The following PTPRN2 variants were observed in gnomAD, a reference collection of about 807,000 sequenced individuals.
PTPRN2 encodes the protein receptor-type tyrosine-protein phosphatase N2.
A neutral mutation model predicts 118.8 loss-of-function variants in PTPRN2; 74 were observed. The observed-to-expected ratio is 0.62, with a 90% confidence interval of 0.52 to 0.76. The LOEUF (loss-of-function observed/expected upper bound fraction) is 0.76. PTPRN2 is among the 30% of genes least tolerant of loss of function. The pLI, the probability that PTPRN2 is intolerant of heterozygous loss-of-function variation, is 0.00. For missense variants in PTPRN2, 1,481 were observed against 1,394.4 expected, an observed-to-expected ratio of 1.06 and a Z score of -0.99; for synonymous variants, 641 against 608.0, an observed-to-expected ratio of 1.05 and a Z score of -0.80.
intron 2 of PTPRN2, among the ~76,000 whole-genome samples, chr7:158,396,447 G>A (rs73178209): frequency 0.035 from 5,213 of 150,318 alleles, 149 homozygotes; most frequent in Middle Eastern, 0.08. Flanking sequence ...AATGTGTCAC[G>A]TGTGTGCACG....
At chr7:157,786,817 G>A (rs1381202930) in intron 12 of PTPRN2, among the ~76,000 whole-genome samples, 1 of 152,246 alleles carries the variant, frequency 6.6e-6, no homozygotes, top group East Asian at 1.9e-4. Flanking sequence ...TCATCATCAG[G>A]TGGGTGGCAC....
chr7:158,329,251 G>C lies in PTPRN2; in HGVS notation c.164-12319C>G, dbSNP rs536100918. On this transcript the variant is annotated intron_variant, in intron 2 of 22. Transcript: ENST00000389418. ...CTTCTGGGAGGTGAGGAGCAGGCTA[G>C]GAGGGGAGGACAGTGAAGACAGTGC... Among the ~76,000 whole-genome samples, 98 of 152,302 alleles carry C rather than the reference G, an allele frequency of 6.4e-4. 1 individual carries two copies. The highest frequency in any genetic ancestry group is 2.0e-3 in the African/African-American group (85 of 41,566).
At chr7:158,257,724 C>T (rs551753251) in intron 3 of PTPRN2, among the ~76,000 whole-genome samples, 16 of 152,360 alleles carry the variant, frequency 1.1e-4, no homozygotes, top group Admixed American at 7.2e-4. Flanking sequence ...AGACCTGCGG[C>T]GGTGACTGCC....
chr7:157,684,419 CG>C (rs1258953449), intron 12 of PTPRN2, among the ~76,000 whole-genome samples: 1 of 14,252 alleles, frequency 7.0e-5, no homozygotes, highest in Non-Finnish European at 1.4e-4. Context: ...AGAGGAGGCG[CG>C]GGGTGGGGGA....
chr7:158,545,113 C>G (rs1476851046), intron 1 of PTPRN2, among the ~76,000 whole-genome samples: 1 of 152,250 alleles, frequency 6.6e-6, no homozygotes, highest in Non-Finnish European at 1.5e-5. Flanking sequence ...CACTTCCAGC[C>G]TCAACATCCA....
rs562640655 is a variant in PTPRN2, at chr7:158,146,632, A to G, written c.911-8117T>C. Reference sequence around the variant, plus strand: ...GCTACTCAGGAGCCTGAGGCAGAAGAATGGTGTGAACCCAGGAGGCGGAGC... The same window carrying G: ...GCTACTCAGGAGCCTGAGGCAGAAGGATGGTGTGAACCCAGGAGGCGGAGC... On this transcript the variant is annotated intron_variant, in intron 6 of 22. Transcript: ENST00000389418. Among the ~76,000 whole-genome samples the G allele has an allele frequency of 4.3e-4, 65 of 150,078 alleles. No homozygotes were observed. In the South Asian group the frequency reaches 0.013, roughly 30 times the overall value.
At position 157,801,592 on chromosome 7, in the gene PTPRN2, ACAT is replaced by A. The variant is rs540608271; in HGVS notation, c.1788+97078_1788+97080del. 1.1e-3 allele frequency among the ~76,000 whole-genome samples: 160 copies of A among 152,338 alleles called. 1 individual carries two copies. The highest frequency in any genetic ancestry group is 3.8e-3 in the African/African-American group (159 of 41,568). ...AACATCTTAGCCTGCATGAAAACAA[ACAT>A]CATCTTAGAAGAAGGAAAGAGCAAA... On this transcript the variant is annotated intron_variant, in intron 12 of 22. Transcript: ENST00000389418. The surrounding 1 kb of genome is among the most constrained non-coding windows in gnomAD (Gnocchi z 4.2).
chr7:158,109,065 G>C (rs1237002412), intron 10 of PTPRN2, among the ~76,000 whole-genome samples: 1 of 151,824 alleles, frequency 6.6e-6, no homozygotes, highest in Non-Finnish European at 1.5e-5. Flanking sequence ...GTGTGAAGGA[G>C]ACCGTGAGTG....
At chr7:158,280,622 G>C (rs1160221941) in intron 3 of PTPRN2, among the ~76,000 whole-genome samples, 1 of 152,236 alleles carries the variant, frequency 6.6e-6, no homozygotes, top group East Asian at 1.9e-4. Context: ...GGAGCCGAGA[G>C]AGCCTGGGGG....
At chr7:158,133,597 G>C in intron 9 of PTPRN2, 80 bp downstream of exon 9, 1 of 1,494,068 alleles carries the variant, frequency 6.7e-7, no homozygotes. Context: ...ATCCGCCACA[G>C]CAAGGAGGCG....
rs1292662608 is a variant in PTPRN2 at position 158,212,909 on chromosome 7, G to T, written c.278-7636C>A. Reference sequence around the variant, plus strand: ...ATTTATACTCAAATGTTATGACAAAGAGCTTTATAACAAGGGTGAAGTAGT... The same window carrying T: ...ATTTATACTCAAATGTTATGACAAATAGCTTTATAACAAGGGTGAAGTAGT... On this transcript the variant is annotated intron_variant, in intron 3 of 22. Transcript: ENST00000389418. 2.0e-5 allele frequency among the ~76,000 whole-genome samples: 3 copies of T among 152,114 alleles called. No homozygotes were observed. In the East Asian group the frequency reaches 5.8e-4, roughly 29 times the overall value.
intron 6 of PTPRN2, among the ~76,000 whole-genome samples, chr7:158,152,460 CA>C: frequency 6.6e-6 from 1 of 152,240 alleles, no homozygotes; most frequent in Non-Finnish European, 1.5e-5. Context: ...GACAGGAGGC[CA>C]AAGTGTCCAG....
At chr7:158,052,572 G>A (rs961896831) in intron 11 of PTPRN2, among the ~76,000 whole-genome samples, 1 of 152,190 alleles carries the variant, frequency 6.6e-6, no homozygotes, top group Non-Finnish European at 1.5e-5. Flanking sequence ...CCGTGGAGGG[G>A]CGCCCTTCGG....
intron 12 of PTPRN2, among the ~76,000 whole-genome samples, chr7:157,721,964 G>A (rs1026351371): frequency 1.3e-5 from 2 of 152,172 alleles, no homozygotes; most frequent in African/African-American, 4.8e-5. Context: ...GACTTTTCCC[G>A]AAGACCACGT....
At chr7:158,163,806 G>A (rs981226291) in intron 6 of PTPRN2, among the ~76,000 whole-genome samples, 15 of 151,664 alleles carry the variant, frequency 9.9e-5, no homozygotes, top group East Asian at 1.9e-4. Flanking sequence ...ACGCCTGTAC[G>A]GGGTTCTCAA....
chr7:157,937,116 T>C (rs930288), intron 11 of PTPRN2, among the ~76,000 whole-genome samples: 85,586 of 151,902 alleles, frequency 0.56, 25,131 homozygotes, highest in African/African-American at 0.72. Context: ...TCCGGACCCC[T>C]GAACACCGTG....
At chr7:157,876,128 C>T (rs1795751188) in intron 12 of PTPRN2, among the ~76,000 whole-genome samples, 1 of 152,232 alleles carries the variant, frequency 6.6e-6, no homozygotes, top group African/African-American at 2.4e-5. Context: ...ACAATGCAGT[C>T]CACGCTCACC....
chr7:157,581,782 G>A (rs1411442188), intron 17 of PTPRN2, among the ~76,000 whole-genome samples: 3 of 152,238 alleles, frequency 2.0e-5, no homozygotes, highest in Non-Finnish European at 4.4e-5. Context: ...TATGAATGTG[G>A]CCTTATTTGG....
chr7:158,329,881 A>ATCTAC (rs1804017748), intron 2 of PTPRN2, among the ~76,000 whole-genome samples: 3 of 152,116 alleles, frequency 2.0e-5, no homozygotes, highest in South Asian at 4.1e-4. Flanking sequence ...TCTGACTGAG[A>ATCTAC]AAATGCGGTC....
Sources: allele counts gnomAD v4.1 joint callset (sites outside exome capture counted in the v4.1 genomes callset), GRCh38; gene constraint gnomAD v4.1.1; non-coding constraint Gnocchi (gnomAD v3.1); transcripts MANE v1.5; gene names NCBI Gene and HGNC (gene_info 2026-07-23, HGNC 2026-07-21).